BTAF1: variants seen among roughly 807,000 people sequenced by gnomAD.
BTAF1 encodes TATA-binding protein-associated factor 172.
BTAF1 carries 38 observed loss-of-function variants against 227.1 expected under a neutral mutation model. The observed-to-expected ratio is 0.17, with a 90% confidence interval of 0.13 to 0.22. The LOEUF (loss-of-function observed/expected upper bound fraction) is 0.22, where lower values mean the gene tolerates loss of function less well. Among genes scored for constraint, BTAF1 ranks in the 10% least tolerant of loss-of-function variants. BTAF1 has a pLI of 1.00. For synonymous variants in BTAF1, 742 were observed against 751.9 expected (o/e 0.99, Z 0.21); for missense variants, 1,598 against 2,204.0 (o/e 0.73, Z 5.51).
chr10:91,982,743 A>T lies in BTAF1; in HGVS notation c.2205A>T (p.Glu735Asp), dbSNP rs775854329. The T allele has an allele frequency of 3.7e-6, 6 of 1,609,690 alleles. No individual in the cohort carries two copies. The highest frequency in any genetic ancestry group is 5.1e-6 in the Non-Finnish European group (6 of 1,178,112). ...QRISVALVIC[E>D]WAALQKECKA... ...TTAGTGTAGCTTTGGTAATCTGTGA[A>T]TGGGCTGCTTTACAAAAGGTAAGAT... Residue 735 changes from glutamate (E) to aspartate (D), a missense_variant, in exon 18 of 38, where the codon GAA becomes GAT. This residue lies in a region of BTAF1 where 318 missense variants were observed against 435.0 expected (regional missense o/e 0.73). Transcript: ENST00000265990.
At chr10:92,026,990 T>C in intron 36 of BTAF1, 140 bp from the exon 37 acceptor site, 1 of 954,014 alleles carries the variant, frequency 1.0e-6, no homozygotes, top group East Asian at 2.6e-5. Flanking sequence ...GCACACATTT[T>C]GAGCTCATGT....
In BTAF1 at chr10:92,028,911, A is replaced by T; in HGVS notation, c.5528A>T (p.Asn1843Ile). 1 of 1,586,274 alleles carries T rather than the reference A, an allele frequency of 6.3e-7. No homozygotes were observed. Among genetic ancestry groups the T allele is most frequent in the Non-Finnish European group, 8.5e-7 (1 of 1,169,824 alleles). The change falls in exon 38 of 38, where the codon AAT becomes ATT. Residue 1843 changes from asparagine to isoleucine, a missense_variant. By Grantham distance (149) the Asn-to-Ile change is moderately radical. Coordinates refer to ENST00000265990, the MANE Select transcript of BTAF1 (RefSeq NM_003972.3). ...EQYDSEYSLE[N>I]FMHSLK The stretch of plus-strand genomic sequence containing the variant: ...TATGATTCAGAGTACAGCCTGGAAA[A>T]TTTTATGCATTCTCTCAAGTAACTA...
intron 4 of BTAF1, among the ~76,000 whole-genome samples, chr10:91,949,449 T>G (rs1388204556): frequency 1.3e-5 from 2 of 152,218 alleles, no homozygotes; most frequent in East Asian, 3.8e-4. Flanking sequence ...TGTCAGTTAT[T>G]CTGCACATTA....
intron 1 of BTAF1, among the ~76,000 whole-genome samples, chr10:91,929,738 T>A (rs985517071): frequency 1.3e-5 from 2 of 152,162 alleles, no homozygotes; most frequent in Non-Finnish European, 2.9e-5. Context: ...TTTTTTTTAA[T>A]AGAGATGAGG....
At chr10:91,994,506 C>T in intron 22 of BTAF1, 29 bp from the exon 23 acceptor site, 3 of 1,505,918 alleles carry the variant, frequency 2.0e-6, no homozygotes, top group Non-Finnish European at 2.7e-6. Context: ...AATTATTTGC[C>T]AGATAATACA....
intron 1 of BTAF1, among the ~76,000 whole-genome samples, chr10:91,928,760 T>TCCCCCCCCCC (rs60208547): frequency 2.1e-4 from 23 of 111,804 alleles, no homozygotes; most frequent in African/African-American, 8.7e-4. Context: ...CAAGAATCCA[T>TCCCCCCCCCC]CCCCCCCCCC....
chr10:91,992,151 A>G lies in BTAF1; in HGVS notation c.2887A>G (p.Thr963Ala). ...CTCAGAAAAAGATGGAATGCACCAT[A>G]CTGTCACCAAGCACAGAGGTATAAT... Reference protein sequence around the residue: ...STSEKDGMHHTVTKHRGIITL... With the variant: ...STSEKDGMHHAVTKHRGIITL... Residue 963 changes from threonine to alanine, a missense_variant, in exon 21 of 38, where the codon ACT (threonine) becomes GCT (alanine). Thr to Ala is a moderately conservative substitution (Grantham distance 58). Around this residue, in one of 10 missense-constraint regions of BTAF1, gnomAD observed 425 missense variants for 491.2 expected, o/e 0.87. Transcript: ENST00000265990. 1 of 1,606,216 alleles carries G rather than the reference A, an allele frequency of 6.2e-7. No individual in the cohort carries two copies. Among genetic ancestry groups the G allele is most frequent in the Non-Finnish European group, 8.5e-7 (1 of 1,177,152 alleles).
In BTAF1 at chr10:91,959,150, A is replaced by G; in HGVS notation, c.986A>G (p.Glu329Gly). The G allele has an allele frequency of 1.2e-6, 2 of 1,614,116 alleles. No individual in the cohort carries two copies. The highest frequency in any genetic ancestry group is 1.7e-6 in the Non-Finnish European group (2 of 1,179,978). ...SGGKMGDSTL[E>G]EMIQQHQEWL... ...GGTAAAATGGGTGACAGCACTTTAG[A>G]AGAGGTAAGTGTATTAATGCAACAA... The change falls in exon 9 of 38, where the codon GAA becomes GGA. Residue 329 changes from glutamate to glycine, a missense_variant. This residue lies in a region of BTAF1 where 298 missense variants were observed against 395.2 expected (regional missense o/e 0.75). Transcript: ENST00000265990.
intron 20 of BTAF1, among the ~76,000 whole-genome samples, chr10:91,991,636 ACTC>A (rs771444856): frequency 4.3e-4 from 64 of 147,448 alleles, no homozygotes; most frequent in African/African-American, 1.5e-3. Flanking sequence ...TGTAGTCCTA[ACTC>A]CTCAGGAGGC....
intron 35 of BTAF1, 92 bp downstream of exon 35, chr10:92,025,059 C>T: frequency 9.1e-7 from 1 of 1,100,454 alleles, no homozygotes; most frequent in South Asian, 1.6e-5. Context: ...GGCTAAATAT[C>T]TGCAAATGCA....
chr10:91,958,801 G>A (rs1468354065), intron 8 of BTAF1, among the ~76,000 whole-genome samples: 1 of 152,162 alleles, frequency 6.6e-6, no homozygotes, highest in African/African-American at 2.4e-5. Context: ...GGGAGTGAAA[G>A]CAATGTGGAT....
intron 25 of BTAF1, among the ~76,000 whole-genome samples, chr10:92,002,493 A>G (rs572868737): frequency 6.6e-6 from 1 of 152,306 alleles, no homozygotes; most frequent in African/African-American, 2.4e-5. Flanking sequence ...GAATGGACCT[A>G]GTTATATGGC....
At chr10:91,925,427 C>T (rs1843757600) in intron 1 of BTAF1, among the ~76,000 whole-genome samples, 1 of 151,806 alleles carries the variant, frequency 6.6e-6, no homozygotes, top group Non-Finnish European at 1.5e-5. Flanking sequence ...CTTAGAGCAA[C>T]CTGTGCATTT....
At position 92,027,219 on chromosome 10, in the gene BTAF1, G is replaced by A. The variant is rs1463834103; in HGVS notation, c.5325G>A (p.Ala1775=). The change falls in exon 37 of 38, where the codon GCG becomes GCA. Residue 1775 remains alanine, a synonymous_variant. Coordinates refer to ENST00000265990, the MANE Select transcript of BTAF1 (RefSeq NM_003972.3). ...TGCAGAAATTCAAGATGAACATAGCGAATACTGTTATTAGCCAAGAGAATT... is the reference window on the plus strand; with the variant it reads ...TGCAGAAATTCAAGATGAACATAGCAAATACTGTTATTAGCCAAGAGAATT... ...MGLQKFKMNI[A]NTVISQENSS... The A allele has an allele frequency of 8.7e-6, 14 of 1,613,758 alleles. No homozygotes were observed. Among genetic ancestry groups the A allele is most frequent in the South Asian group, 2.2e-5 (2 of 91,068 alleles).
intron 4 of BTAF1, among the ~76,000 whole-genome samples, chr10:91,950,518 C>T (rs1845700891): frequency 6.6e-6 from 1 of 152,024 alleles, no homozygotes. Context: ...TCTTTTACAG[C>T]TTAGCTGTTT....
intron 22 of BTAF1, 65 bp from the exon 23 acceptor site, chr10:91,994,470 G>T: frequency 8.0e-7 from 1 of 1,257,688 alleles, no homozygotes; most frequent in Non-Finnish European, 1.1e-6. Flanking sequence ...AGTGCTAAAA[G>T]TTTTTGTGTG....
intron 25 of BTAF1, among the ~76,000 whole-genome samples, chr10:92,006,339 TTTG>T (rs1242639000): frequency 1.3e-5 from 2 of 152,180 alleles, no homozygotes; most frequent in African/African-American, 4.8e-5. Context: ...AAAGAGAAAG[TTTG>T]TTAAGTGTTA....
Position 92,008,294 on chromosome 10 carries a change from T to C in BTAF1, c.3813+19T>C. The C allele has an allele frequency of 6.5e-7, 1 of 1,540,212 alleles. No individual in the cohort carries two copies. Among genetic ancestry groups the C allele is most frequent in the Non-Finnish European group, 8.7e-7 (1 of 1,153,380 alleles). On this transcript the variant is annotated intron_variant, in intron 26 of 37. Transcript: ENST00000265990. Reference sequence around the variant, plus strand: ...TCAGCAGGTAAGTTTTATACAATAGTGAGTTTTCCTTTCAAATGAACCTTG... The same window carrying C: ...TCAGCAGGTAAGTTTTATACAATAGCGAGTTTTCCTTTCAAATGAACCTTG...
intron 15 of BTAF1, 105 bp from the exon 16 acceptor site, chr10:91,981,538 T>A (rs989951262): frequency 1.7e-6 from 2 of 1,159,866 alleles, no homozygotes; most frequent in Admixed American, 2.7e-5. Context: ...AATTAATCTC[T>A]GTGCTATTTC....
Sources: gnomAD v4.1 joint callset for allele counts (sites outside exome capture counted in the v4.1 genomes callset) on GRCh38, gnomAD v4.1.1 for gene constraint, gnomAD v4.1.1 regional missense constraint, MANE v1.5 for transcripts, NCBI Gene and HGNC (gene_info 2026-07-23, HGNC 2026-07-21) for gene names.